UNKL: variants seen among roughly 807,000 people sequenced by gnomAD.
UNKL encodes the protein putative E3 ubiquitin-protein ligase UNKL.
UNKL carries 60 observed loss-of-function variants against 78.0 expected under a neutral mutation model. The observed-to-expected ratio is 0.77, with a 90% CI of 0.63 to 0.95. UNKL has a LOEUF of 0.95. Among genes scored for constraint, UNKL ranks in the 40% least tolerant of loss-of-function variants. UNKL has a pLI of 0.00. For synonymous variants in UNKL, 608 were observed against 474.8 expected (o/e 1.28, Z -3.65); for missense variants, 1,159 against 1,045.7 (o/e 1.11, Z -1.49).
At chr16:1,386,245 C>T (rs2036807473) in intron 9 of UNKL, among the ~76,000 whole-genome samples, 1 of 152,122 alleles carries the variant, frequency 6.6e-6, no homozygotes. Context: ...CCTGTCTCTA[C>T]TAAAAATACA....
At chr16:1,371,747 C>A in intron 10 of UNKL, 136 bp from the exon 11 acceptor site, 1 of 893,702 alleles carries the variant, frequency 1.1e-6, no homozygotes, top group Non-Finnish European at 1.7e-6. Context: ...GCTGGGGCAG[C>A]CAGGGAAGGA....
chr16:1,390,604 G>T (rs906525841), intron 9 of UNKL, 28 bp downstream of exon 9: 1 of 1,535,408 alleles, frequency 6.5e-7, no homozygotes, highest in Admixed American at 2.0e-5. Flanking sequence ...CATCAGGCAC[G>T]AGGGTGGGAA....
At chr16:1,393,865 C>A (rs1313280956) in intron 7 of UNKL, among the ~76,000 whole-genome samples, 1 of 152,200 alleles carries the variant, frequency 6.6e-6, no homozygotes, top group Non-Finnish European at 1.5e-5. Flanking sequence ...AGGCTCAGGG[C>A]CCCAGCGTGC....
intron 2 of UNKL, among the ~76,000 whole-genome samples, chr16:1,404,122 G>C (rs932721269): frequency 1.3e-5 from 2 of 148,544 alleles, no homozygotes; most frequent in Non-Finnish European, 3.0e-5. Flanking sequence ...TCCAGAAGGA[G>C]GCAAAGGGAC....
intron 3 of UNKL, among the ~76,000 whole-genome samples, chr16:1,402,114 C>G (rs1367338177): frequency 6.6e-6 from 1 of 152,208 alleles, no homozygotes; most frequent in African/African-American, 2.4e-5. Flanking sequence ...TTTTCTGCAG[C>G]CCCAGACCAT....
rs1298849065 is a variant in UNKL, at chr16:1,372,902, G to A, written c.1265-1291C>T. Among the ~76,000 whole-genome samples the A allele has an allele frequency of 3.2e-4, 32 of 100,642 alleles. 3 individuals are homozygous for A. The highest frequency in any genetic ancestry group is 1.2e-3 in the African/African-American group (32 of 26,826). The allele number at this position is 100,642 out of a possible 152,430, so 66.0% of individuals were successfully genotyped here. ...TGGAGCACACCACACAGGGACTGCCGGCCAACACCGCACAGAGACCTCAGC... is the reference window on the plus strand; with the variant it reads ...TGGAGCACACCACACAGGGACTGCCAGCCAACACCGCACAGAGACCTCAGC... On this transcript the variant is annotated intron_variant, in intron 10 of 14. Coordinates refer to ENST00000389221, the MANE Select transcript of UNKL (RefSeq NM_001372107.1).
chr16:1,403,371 CT>C lies in UNKL; in HGVS notation c.288-28del, dbSNP rs1419648141. 1 of 1,608,616 alleles carries C rather than the reference CT, an allele frequency of 6.2e-7. No homozygotes were observed. The highest frequency in any genetic ancestry group is 1.7e-5 in the Admixed American group (1 of 59,586). ...TGGGGAGCAGAGAGGCACGCAATGC[CT>C]GGTTATCATGGACCCAGAGGCAGCC... On this transcript the variant is annotated intron_variant, in intron 2 of 14. Coordinates refer to ENST00000389221, the MANE Select transcript of UNKL (RefSeq NM_001372107.1). The surrounding 1 kb of genome is among the most constrained non-coding windows in gnomAD (Gnocchi z 4.8).
At position 1,414,156 on chromosome 16, in the gene UNKL, G is replaced by C. The variant is rs1231169896; in HGVS notation, c.78-101C>G. On this transcript the variant is annotated intron_variant, in intron 1 of 14. Coordinates refer to ENST00000389221, the MANE Select transcript of UNKL (RefSeq NM_001372107.1). Reference sequence around the variant, plus strand: ...ACCGGCCTCAGGAGCCTCAACCCAGGGTCGACCCGTACTCACATTCCCGGC... The same window carrying C: ...ACCGGCCTCAGGAGCCTCAACCCAGCGTCGACCCGTACTCACATTCCCGGC... The C allele has an allele frequency of 8.3e-6, 10 of 1,210,958 alleles. No homozygotes were observed. The Admixed American group carries it at 1.6e-4, about 19-fold the overall frequency. The allele number at this position is 1,210,958 out of a possible 1,614,324, so 75.0% of individuals were successfully genotyped here. A position where few individuals can be genotyped will look rare whatever the true frequency, so the allele number is the denominator to read the frequency against.
intron 10 of UNKL, among the ~76,000 whole-genome samples, chr16:1,376,537 T>C (rs1271721675): frequency 6.6e-6 from 1 of 152,138 alleles, no homozygotes; most frequent in Non-Finnish European, 1.5e-5. Context: ...GTGGCTCCAG[T>C]GTCTGCCTCT....
rs76596079 is a variant in UNKL, at chr16:1,399,813, C to T, written c.599-304G>A. ...GGGAGGGAGTCCTGCTGTGGGTGTG[C>T]GGCTTCCTTGCTGGGGGATGAAAAT... is the stretch of plus-strand genomic sequence containing the variant. On this transcript the variant is annotated intron_variant, in intron 4 of 14. Coordinates refer to ENST00000389221, the MANE Select transcript of UNKL (RefSeq NM_001372107.1). The surrounding 1 kb of genome is among the most constrained non-coding windows in gnomAD (Gnocchi z 5.8). Among the ~76,000 whole-genome samples, 1,040 of 152,156 alleles carry T rather than the reference C, an allele frequency of 6.8e-3. 21 individuals carry two copies. The highest frequency in any genetic ancestry group is 0.067 in the East Asian group (347 of 5,156).
At chr16:1,384,445 A>G (rs901330440) in intron 10 of UNKL, among the ~76,000 whole-genome samples, 4 of 151,866 alleles carry the variant, frequency 2.6e-5, no homozygotes, top group Non-Finnish European at 4.4e-5. Context: ...CAGCACCATC[A>G]CGTGTCTCAG....
intron 10 of UNKL, among the ~76,000 whole-genome samples, chr16:1,382,592 T>A (rs758625662): frequency 1.3e-5 from 2 of 151,996 alleles, no homozygotes; most frequent in African/African-American, 2.4e-5. Flanking sequence ...AGAGCCCACA[T>A]AGGAACACCA....
rs2037600660 is a variant in UNKL at position 1,403,070 on chromosome 16, C to A, written c.464+98G>T. The A allele has an allele frequency of 7.3e-7, 1 of 1,376,216 alleles. No individual in the cohort carries two copies. Among genetic ancestry groups the A allele is most frequent in the African/African-American group, 1.5e-5 (1 of 68,964 alleles). The allele number at this position is 1,376,216 out of a possible 1,614,324, so 85.3% of individuals were successfully genotyped here. A position where few individuals can be genotyped will look rare whatever the true frequency, so the allele number is the denominator to read the frequency against. On this transcript the variant is annotated intron_variant, in intron 3 of 14. Transcript: ENST00000389221. The surrounding 1 kb of genome is among the most constrained non-coding windows in gnomAD (Gnocchi z 4.8). ...GAGAGATTTGGGCCAGCAGAGCCTG[C>A]AGCAGCAGGGAGGCGAGCCACTTGC...
chr16:1,371,202 C>T (rs1049678156), intron 11 of UNKL, among the ~76,000 whole-genome samples: 1 of 152,154 alleles, frequency 6.6e-6, no homozygotes, highest in Admixed American at 6.5e-5. Context: ...CCTGTCTCTG[C>T]GCGGCCACTT....
Position 1,363,327 on chromosome 16 carries a change from T to C in UNKL, c.*2913A>G. On this transcript the variant is annotated 3_prime_UTR_variant, in exon 15 of 15. Transcript: ENST00000389221. ...CAAGTGTTAACTTTAAACAGTTCGCTACAAGTAAATGATTATAAATACTAC... is the reference window on the plus strand; with the variant it reads ...CAAGTGTTAACTTTAAACAGTTCGCCACAAGTAAATGATTATAAATACTAC... 1.9e-6 allele frequency: 1 copy of C among 528,628 alleles called. No individual in the cohort carries two copies. Among genetic ancestry groups the C allele is most frequent in the East Asian group, 3.4e-5 (1 of 29,426 alleles). 32.7% of individuals were successfully genotyped at this position (528,628 alleles called of 1,614,324 possible). A position where few individuals can be genotyped will look rare whatever the true frequency, so the allele number is the denominator to read the frequency against.
At chr16:1,381,896 C>CT (rs2036620629) in intron 10 of UNKL, among the ~76,000 whole-genome samples, 1 of 152,152 alleles carries the variant, frequency 6.6e-6, no homozygotes. Flanking sequence ...AGCGAGCTGA[C>CT]TGTACCACTG....
At position 1,371,605 on chromosome 16, in the gene UNKL, G is replaced by C; in HGVS notation, c.1271C>G (p.Ala424Gly). ...CACATTGCTAAGATGCAGGTCTAAC[G>C]CAGAACCTGTCAACAGAGCCCCCCA... ...SSTVEAVLGS[A>G]LDLHLSNVNI... The change falls in exon 11 of 15, where the codon GCG (alanine) becomes GGG (glycine). Residue 424 changes from alanine (A) to glycine (G), a missense_variant. By Grantham distance (60) the Ala-to-Gly change is moderately conservative. Coordinates refer to ENST00000389221, the MANE Select transcript of UNKL (RefSeq NM_001372107.1). 2.0e-6 allele frequency: 3 copies of C among 1,536,104 alleles called. No individual in the cohort carries two copies. Among genetic ancestry groups the C allele is most frequent in the Non-Finnish European group, 2.6e-6 (3 of 1,146,866 alleles).
chr16:1,368,631 A>AAC lies in UNKL; in HGVS notation c.1586-774_1586-773insGT, dbSNP rs1555453946. Among the ~76,000 whole-genome samples, 10 of 147,856 alleles carry AAC rather than the reference A, an allele frequency of 6.8e-5. No homozygotes were observed. In the South Asian group the frequency reaches 1.1e-3, roughly 16 times the overall value. On this transcript the variant is annotated intron_variant, in intron 12 of 14. Transcript: ENST00000389221. ...CTCAAAAAAAAAAAAAAAAAAAAAA[A>AAC]AAAACAGGCCTGTCATCCCAGCACT...
intron 12 of UNKL, among the ~76,000 whole-genome samples, chr16:1,368,627 A>AAC (rs1466024690): frequency 8.9e-5 from 13 of 146,852 alleles, no homozygotes; most frequent in Non-Finnish European, 1.5e-4. Flanking sequence ...AAAAAAAAAA[A>AAC]AAAAAAAACA....
Sources: gnomAD v4.1 joint callset for allele counts (sites outside exome capture counted in the v4.1 genomes callset) on GRCh38, gnomAD v4.1.1 for gene constraint, Gnocchi (gnomAD v3.1) non-coding constraint, MANE v1.5 for transcripts, NCBI Gene and HGNC (gene_info 2026-07-23, HGNC 2026-07-21) for gene names.